IVD: variants seen among roughly 807,000 people sequenced by gnomAD.
The protein encoded by IVD is isovaleryl-CoA dehydrogenase, mitochondrial.
IVD carries 31 observed loss-of-function variants against 51.3 expected under a neutral mutation model. The ratio of observed to expected loss-of-function variants is 0.60; its 90% CI spans 0.45 to 0.81. The LOEUF is 0.81. Among genes scored for constraint, IVD ranks in the 40% least tolerant of loss-of-function variants. The pLI is 0.00. For synonymous variants in IVD, 205 were observed against 219.4 expected (o/e 0.93, Z 0.58); for missense variants, 475 against 552.0 (o/e 0.86, Z 1.40).
Position 40,414,268 on chromosome 15 carries a change from G to C in IVD, c.785-621G>C, listed in dbSNP as rs558628043. The C allele has an allele frequency of 1.1e-3, 177 of 158,362 alleles. 1 individual carries two copies. The highest frequency in any genetic ancestry group is 4.1e-3 in the African/African-American group (172 of 41,626). 9.8% of individuals were successfully genotyped at this position (158,362 alleles called of 1,614,324 possible). A position where few individuals can be genotyped will look rare whatever the true frequency, so the allele number is the denominator to read the frequency against. On this transcript the variant is annotated intron_variant, in intron 7 of 11. Coordinates refer to ENST00000487418, the MANE Select transcript of IVD (RefSeq NM_002225.5). ...ACTTTAATTACAGGGAGCATCCAGG[G>C]AGGGGGAGCTGTGCAGCTCCTTCTT...
chr15:40,424,149 C>T (rs1892530878), downstream of IVD: 1 of 1,286,928 alleles, frequency 7.8e-7, no homozygotes, highest in African/African-American at 1.5e-5. Flanking sequence ...TGCCCCTCAA[C>T]CCTTCCTCTA....
rs1011411429 is a variant in IVD, at chr15:40,405,806, T to C, written c.-22T>C. 2 of 1,607,766 alleles carry C rather than the reference T, an allele frequency of 1.2e-6. No individual in the cohort carries two copies. The highest frequency in any genetic ancestry group is 2.2e-5 in the East Asian group (1 of 44,688). ...CTAAGAGCTGGCTCAGTTTCAGCGCTGGCTCTTCGTGCATGGCAGAGATGG... is the reference window on the plus strand; with the variant it reads ...CTAAGAGCTGGCTCAGTTTCAGCGCCGGCTCTTCGTGCATGGCAGAGATGG... On this transcript the variant is annotated 5_prime_UTR_variant, in exon 1 of 12. Transcript: ENST00000487418.
chr15:40,406,248 G>A (rs981783086), intron 1 of IVD: 1 of 1,481,888 alleles, frequency 6.7e-7, no homozygotes, highest in Admixed American at 2.0e-5. Flanking sequence ...GAGCTCCTGA[G>A]AGACTGATGG....
Position 40,414,993 on chromosome 15 carries a change from G to A in IVD, c.878+11G>A. ...CGGGGGGCCTCTTGGGTAAGTGTGA[G>A]AGGCTTGAGGGAAGCTGGGCTCTGT... On this transcript the variant is annotated intron_variant, in intron 8 of 11. Coordinates refer to ENST00000487418, the MANE Select transcript of IVD (RefSeq NM_002225.5). 1.2e-6 allele frequency: 2 copies of A among 1,613,430 alleles called. No individual in the cohort carries two copies. Among genetic ancestry groups the A allele is most frequent in the East Asian group, 2.2e-5 (1 of 44,866 alleles).
chr15:40,429,816 G>C (rs554928052), intron 7 of IVD, among the ~76,000 whole-genome samples: 2 of 152,356 alleles, frequency 1.3e-5, no homozygotes, highest in South Asian at 4.1e-4. Flanking sequence ...TGGGGCCGCA[G>C]CCTCTAGCTT....
Position 40,418,127 on chromosome 15 carries a change from C to T in IVD, c.1139-3C>T. The T allele has an allele frequency of 6.2e-7, 1 of 1,614,096 alleles. No individual in the cohort carries two copies. Among genetic ancestry groups the T allele is most frequent in the Non-Finnish European group, 8.5e-7 (1 of 1,180,010 alleles). On this transcript the variant is annotated splice_region_variant and splice_polypyrimidine_tract_variant and intron_variant, in intron 11 of 11. Coordinates refer to ENST00000487418, the MANE Select transcript of IVD (RefSeq NM_002225.5). Reference sequence around the variant, plus strand: ...TTCTTCTCTGCCCAAACCCTGGTTGCAGGTGGCAATGGCTACATCAATGAC... The same window carrying T: ...TTCTTCTCTGCCCAAACCCTGGTTGTAGGTGGCAATGGCTACATCAATGAC...
chr15:40,417,909 A>T lies in IVD; in HGVS notation c.1139-221A>T, dbSNP rs11638033. On this transcript the variant is annotated intron_variant, in intron 11 of 11. Transcript: ENST00000487418. Reference sequence around the variant, plus strand: ...AAACAACATATATATGGGGTTCGGTACTATCTACGGTTTCAGGCATCCACT... The same window carrying T: ...AAACAACATATATATGGGGTTCGGTTCTATCTACGGTTTCAGGCATCCACT... 0.37 allele frequency among the ~76,000 whole-genome samples: 56,473 copies of T among 151,832 alleles called. 11,961 individuals are homozygous for T. The highest frequency in any genetic ancestry group is 0.77 in the East Asian group (3,948 of 5,138).
rs1891004320 is a variant in IVD, at chr15:40,410,905, C to T, written c.456+108C>T. ...CAGACCTGCTTTCTGTAGCATGCTG[C>T]CATGAACCAAATGTGGTTAGGAAGG... On this transcript the variant is annotated intron_variant, in intron 4 of 11. Coordinates refer to ENST00000487418, the MANE Select transcript of IVD (RefSeq NM_002225.5). 4.4e-6 allele frequency: 6 copies of T among 1,350,386 alleles called. No homozygotes were observed. In the Admixed American group the frequency reaches 1.2e-4, roughly 26 times the overall value. 83.7% of individuals were successfully genotyped at this position (1,350,386 alleles called of 1,614,324 possible).
intron 7 of IVD, among the ~76,000 whole-genome samples, chr15:40,432,911 C>T (rs1893060947): frequency 6.6e-6 from 1 of 152,216 alleles, no homozygotes; most frequent in Admixed American, 6.5e-5. Context: ...GAGTACAAAA[C>T]AGAGGTGGAA....
intron 8 of IVD, among the ~76,000 whole-genome samples, chr15:40,434,415 G>A (rs2141442759): frequency 6.6e-6 from 1 of 152,314 alleles, no homozygotes; most frequent in Non-Finnish European, 1.5e-5. Flanking sequence ...TATGTCCTGG[G>A]GCCAGGTTAT....
Position 40,414,919 on chromosome 15 carries a change from G to C in IVD, c.815G>C (p.Gly272Ala). Reference sequence around the variant, plus strand: ...AACATCCTGGGCCATGAGAATAAGGGTGTCTACGTGCTGATGAGTGGGCTG... The same window carrying C: ...AACATCCTGGGCCATGAGAATAAGGCTGTCTACGTGCTGATGAGTGGGCTG... The part of the protein sequence containing the change: ...AANILGHENK[G>A]VYVLMSGLDL... The change falls in exon 8 of 12, where the codon GGT (glycine) becomes GCT (alanine). Residue 272 changes from glycine to alanine, a missense_variant. By Grantham distance (60) the Gly-to-Ala change is moderately conservative (BLOSUM62 0). Coordinates refer to ENST00000487418, the MANE Select transcript of IVD (RefSeq NM_002225.5). The C allele has an allele frequency of 6.2e-7, 1 of 1,614,164 alleles. No homozygotes were observed. The highest frequency in any genetic ancestry group is 8.5e-7 in the Non-Finnish European group (1 of 1,180,014).
downstream of IVD, chr15:40,424,275 C>G (rs1263186832): frequency 9.2e-6 from 9 of 973,440 alleles, no homozygotes; most frequent in Admixed American, 1.6e-4. Flanking sequence ...CCTTCCCCTT[C>G]TGCTGCTTCC....
At chr15:40,434,029 G>A in intron 8 of IVD, 1 of 411,316 alleles carries the variant, frequency 2.4e-6, no homozygotes, top group Non-Finnish European at 4.9e-6. Context: ...TGGCCACAGT[G>A]CAGGGCAAGG....
In IVD at chr15:40,419,198, C is replaced by T. The variant is rs1015456160; in HGVS notation, c.*935C>T. 1.6e-6 allele frequency: 2 copies of T among 1,289,190 alleles called. No individual in the cohort carries two copies. Among genetic ancestry groups the T allele is most frequent in the Non-Finnish European group, 2.0e-6 (2 of 988,880 alleles). 79.9% of individuals were successfully genotyped at this position (1,289,190 alleles called of 1,614,324 possible). Reference sequence around the variant, plus strand: ...CTTCCAGTTTCTAGAGGTATCAGCTCCTAGCAGCTTATGAACACATATGCT... The same window carrying T: ...CTTCCAGTTTCTAGAGGTATCAGCTTCTAGCAGCTTATGAACACATATGCT... On this transcript the variant is annotated 3_prime_UTR_variant, in exon 12 of 12. Transcript: ENST00000487418.
intron 9 of IVD, 66 bp from the exon 10 acceptor site, chr15:40,416,012 T>G: frequency 6.8e-7 from 1 of 1,462,806 alleles, no homozygotes; most frequent in Non-Finnish European, 9.5e-7. Flanking sequence ...TTGCCATTGC[T>G]GACCTGCTTT....
chr15:40,433,061 G>A (rs1893069575), intron 7 of IVD, among the ~76,000 whole-genome samples: 1 of 152,214 alleles, frequency 6.6e-6, no homozygotes, highest in Non-Finnish European at 1.5e-5. Context: ...TATGTTTTAA[G>A]ACACTGTAGC....
chr15:40,435,200 G>A (rs1893198184), intron 8 of IVD, among the ~76,000 whole-genome samples: 1 of 152,208 alleles, frequency 6.6e-6, no homozygotes, highest in African/African-American at 2.4e-5. Flanking sequence ...CACCTGGAGG[G>A]TGAAGCGAAG....
intron 7 of IVD, among the ~76,000 whole-genome samples, chr15:40,413,924 G>A (rs373824587): frequency 3.9e-5 from 6 of 151,990 alleles, no homozygotes; most frequent in African/African-American, 1.5e-4. Flanking sequence ...GCAATGGCGC[G>A]ATCTTGGCTT....
downstream of IVD, among the ~76,000 whole-genome samples, chr15:40,422,975 C>T (rs1379857607): frequency 4.6e-5 from 7 of 151,990 alleles, no homozygotes; most frequent in East Asian, 1.9e-4. Context: ...AGTGCAGTGG[C>T]GTGATCTCAG....
Sources: gnomAD v4.1 joint callset for allele counts (sites outside exome capture counted in the v4.1 genomes callset) on GRCh38, gnomAD v4.1.1 for gene constraint, MANE v1.5 for transcripts, NCBI Gene and HGNC (gene_info 2026-07-23, HGNC 2026-07-21) for gene names.